The following FAM227A variants were observed in gnomAD, a reference collection of about 807,000 sequenced individuals.
The protein encoded by FAM227A is protein FAM227A.
Under a neutral mutation model 74.7 loss-of-function variants are expected in FAM227A, and 80 were observed. The observed-to-expected ratio is 1.07, with a 90% CI of 0.89 to 1.29. The LOEUF (loss-of-function observed/expected upper bound fraction) is 1.29, where lower values mean the gene tolerates loss of function less well. FAM227A is among the 50% of genes most tolerant of loss of function. The pLI is 0.00. For synonymous variants in FAM227A, 237 were observed against 241.8 expected, an observed-to-expected ratio of 0.98 and a Z score of 0.19; for missense variants, 654 against 683.4, an observed-to-expected ratio of 0.96 and a Z score of 0.48.
intron 15 of FAM227A, among the ~76,000 whole-genome samples, chr22:38,593,209 A>G (rs1033473986): frequency 2.6e-5 from 4 of 152,200 alleles, no homozygotes; most frequent in African/African-American, 7.2e-5. Context: ...CTACAGAATA[A>G]ATAAAGCATA....
At chr22:38,639,300 T>C (rs1392214734) in intron 4 of FAM227A, among the ~76,000 whole-genome samples, 1 of 151,438 alleles carries the variant, frequency 6.6e-6, no homozygotes, top group Non-Finnish European at 1.5e-5. Context: ...TCCCAGCTAC[T>C]CAGGAGGCTG....
At position 38,637,045 on chromosome 22, in the gene FAM227A, T is replaced by A. The variant is rs1237261290; in HGVS notation, c.373-448A>T. On this transcript the variant is annotated intron_variant, in intron 5 of 16. Transcript: ENST00000535113. Reference sequence around the variant, plus strand: ...CACCTGCCTCAGCCTCCTAAAGTGCTATCTACATTATTTCTGTTTTCCCTT... The same window carrying A: ...CACCTGCCTCAGCCTCCTAAAGTGCAATCTACATTATTTCTGTTTTCCCTT... Among the ~76,000 whole-genome samples the A allele has an allele frequency of 1.8e-4, 27 of 152,218 alleles. 1 individual carries two copies. Among genetic ancestry groups the A allele is most frequent in the Admixed American group, 1.8e-3 (27 of 15,270 alleles).
intron 13 of FAM227A, among the ~76,000 whole-genome samples, chr22:38,603,318 T>C (rs528057161): frequency 1.3e-3 from 202 of 152,126 alleles, no homozygotes; most frequent in Non-Finnish European, 2.6e-3. Context: ...CAAAACCCCA[T>C]CTCTACTAAA....
At chr22:38,633,270 G>C (rs2091946015) in intron 6 of FAM227A, among the ~76,000 whole-genome samples, 1 of 152,182 alleles carries the variant, frequency 6.6e-6, no homozygotes, top group African/African-American at 2.4e-5. Context: ...TCAGCTGTAA[G>C]GCTGAAACCA....
At chr22:38,609,743 G>T (rs549019766) in intron 11 of FAM227A, among the ~76,000 whole-genome samples, 46 of 152,146 alleles carry the variant, frequency 3.0e-4, no homozygotes, top group African/African-American at 1.1e-3. Flanking sequence ...GCTCAATGAA[G>T]CATCAATGCT....
At position 38,599,883 on chromosome 22, in the gene FAM227A, G is replaced by T. The variant is rs1032087731; in HGVS notation, c.1260C>A (p.Asn420Lys). 9.7e-6 allele frequency: 15 copies of T among 1,551,184 alleles called. No homozygotes were observed. The highest frequency in any genetic ancestry group is 1.7e-4 in the Middle Eastern group (1 of 6,014). Residue 420 changes from asparagine to lysine, a missense_variant, in exon 14 of 17, where the codon AAC becomes AAA. By Grantham distance (94) the Asn-to-Lys change is moderately conservative. Transcript: ENST00000535113. ...GGCTCTTCCCATAAATGTTGAAGAG[G>T]TTTGAAGTCAGCTCAGGGCTTTTGC... ...AACKSPELTS[N>K]LFNIYGKSPL...
intron 6 of FAM227A, among the ~76,000 whole-genome samples, chr22:38,633,505 T>C (rs1262658625): frequency 6.6e-6 from 1 of 152,102 alleles, no homozygotes; most frequent in Non-Finnish European, 1.5e-5. Flanking sequence ...TACAGACAAT[T>C]TGAAAATAGA....
At chr22:38,645,074 A>G (rs2092205774) in intron 3 of FAM227A, among the ~76,000 whole-genome samples, 1 of 142,868 alleles carries the variant, frequency 7.0e-6, no homozygotes, top group African/African-American at 2.7e-5. Context: ...CGACAGAGCA[A>G]GTCTCTGTCT....
chr22:38,597,818 C>T (rs1192819286), intron 14 of FAM227A, among the ~76,000 whole-genome samples: 3 of 152,104 alleles, frequency 2.0e-5, no homozygotes, highest in Middle Eastern at 3.4e-3. Flanking sequence ...CCAAGGCAGG[C>T]GGATCACGAG....
At chr22:38,654,327 A>G (rs950051835) in intron 1 of FAM227A, among the ~76,000 whole-genome samples, 15 of 151,896 alleles carry the variant, frequency 9.9e-5, no homozygotes, top group African/African-American at 3.6e-4. Flanking sequence ...AGCCTGGGCA[A>G]CAAGAGCAAA....
intron 1 of FAM227A, 54 bp from the exon 2 acceptor site, chr22:38,650,316 C>A: frequency 2.7e-6 from 2 of 741,344 alleles, no homozygotes; most frequent in South Asian, 1.9e-5. Flanking sequence ...AAGAAAAGCC[C>A]AACCATGTTC....
chr22:38,583,052 T>A lies in FAM227A; in HGVS notation c.*3073A>T, dbSNP rs954030538. ...GTGTGGTTCCTAGAGAAACTGCAAA[T>A]GAAGAGTTGACAGTGGCTGGGGTAG... On this transcript the variant is annotated 3_prime_UTR_variant, in exon 17 of 17. Transcript: ENST00000535113. 9.2e-5 allele frequency: 122 copies of A among 1,319,148 alleles called. No homozygotes were observed. Among genetic ancestry groups the A allele is most frequent in the Admixed American group, 2.1e-4 (10 of 48,188 alleles). 81.7% of individuals were successfully genotyped at this position (1,319,148 alleles called of 1,614,324 possible).
At chr22:38,651,704 T>C (rs956713094) in intron 1 of FAM227A, among the ~76,000 whole-genome samples, 4 of 151,908 alleles carry the variant, frequency 2.6e-5, no homozygotes, top group African/African-American at 9.7e-5. Context: ...CTCTGAAACA[T>C]GGTAAGTTTT....
chr22:38,591,286 T>C, intron 16 of FAM227A, 149 bp downstream of exon 16: 1 of 1,370,144 alleles, frequency 7.3e-7, no homozygotes, highest in Non-Finnish European at 9.4e-7. Context: ...ATGGCACCAC[T>C]GCACTCAGCC....
At chr22:38,602,646 GCAGT>G (rs2091201268) in intron 13 of FAM227A, among the ~76,000 whole-genome samples, 1 of 152,166 alleles carries the variant, frequency 6.6e-6, no homozygotes, top group Admixed American at 6.5e-5. Flanking sequence ...ACGACAGACA[GCAGT>G]CATTTTGTTT....
intron 11 of FAM227A, among the ~76,000 whole-genome samples, chr22:38,616,301 C>A (rs1324430858): frequency 6.6e-6 from 1 of 152,196 alleles, no homozygotes; most frequent in African/African-American, 2.4e-5. Flanking sequence ...GCAAGAGCAG[C>A]TGCAGTGGCT....
chr22:38,588,036 T>A (rs972446382), intron 16 of FAM227A, among the ~76,000 whole-genome samples: 1 of 151,686 alleles, frequency 6.6e-6, no homozygotes, highest in African/African-American at 2.4e-5. Context: ...ATCAGAAAAA[T>A]AGGAATAGGA....
intron 15 of FAM227A, among the ~76,000 whole-genome samples, chr22:38,592,227 G>A (rs566177499): frequency 3.9e-5 from 6 of 152,182 alleles, no homozygotes; most frequent in East Asian, 1.9e-4. Context: ...GATTACAGGC[G>A]TGAACCACTG....
At chr22:38,598,517 T>A (rs759246766) in intron 14 of FAM227A, among the ~76,000 whole-genome samples, 3 of 152,168 alleles carry the variant, frequency 2.0e-5, no homozygotes, top group Non-Finnish European at 4.4e-5. Flanking sequence ...TAAAACACTA[T>A]GAAATGTGAG....
Sources: allele counts gnomAD v4.1 joint callset (sites outside exome capture counted in the v4.1 genomes callset), GRCh38; gene constraint gnomAD v4.1.1; transcripts MANE v1.5; gene names NCBI Gene and HGNC (gene_info 2026-07-23, HGNC 2026-07-21).